Variants in SIK3 observed in about 807,000 individuals in gnomAD.
The protein encoded by SIK3 is serine/threonine-protein kinase SIK3.
In SIK3, 28 loss-of-function variants were observed where a neutral mutation model predicts 144.2. The observed-to-expected ratio is 0.19, with a 90% CI of 0.14 to 0.27. The LOEUF (loss-of-function observed/expected upper bound fraction) is 0.27. SIK3 is among the 10% of genes least tolerant of loss of function. The pLI, the probability that SIK3 is intolerant of heterozygous loss-of-function variation, is 1.00. For missense variants in SIK3, 1,319 were observed against 1,776.0 expected (o/e 0.74, Z 4.62); for synonymous variants, 686 against 676.3 (o/e 1.01, Z -0.22).
intron 3 of SIK3, among the ~76,000 whole-genome samples, chr11:116,940,721 A>G (rs1404407514): frequency 6.6e-6 from 1 of 150,470 alleles, no homozygotes; most frequent in East Asian, 2.0e-4. Context: ...CTGGTCACAG[A>G]CCCACCCCCG....
intron 3 of SIK3, among the ~76,000 whole-genome samples, chr11:116,951,034 G>A (rs1233389255): frequency 6.6e-6 from 1 of 152,142 alleles, no homozygotes; most frequent in Non-Finnish European, 1.5e-5. Context: ...CTCACATGAA[G>A]GCGTAAGGAA....
At chr11:116,939,662 A>T (rs74324604) in intron 3 of SIK3, among the ~76,000 whole-genome samples, 7,411 of 152,232 alleles carry the variant, frequency 0.049, 601 homozygotes, top group African/African-American at 0.17. Flanking sequence ...CTTCCCCTCC[A>T]AAAACTGAAC....
At chr11:116,937,332 A>G (rs992598545) in intron 3 of SIK3, among the ~76,000 whole-genome samples, 1 of 152,270 alleles carries the variant, frequency 6.6e-6, no homozygotes, top group African/African-American at 2.4e-5. Context: ...AGCCAGACAT[A>G]TGAATGCACC....
chr11:117,020,956 G>A (rs1951740145), intron 1 of SIK3, among the ~76,000 whole-genome samples: 1 of 152,208 alleles, frequency 6.6e-6, no homozygotes, highest in Admixed American at 6.5e-5. Flanking sequence ...GACTGGCACT[G>A]AAGACTGGGG....
intron 3 of SIK3, among the ~76,000 whole-genome samples, chr11:116,939,714 C>G (rs1255803922): frequency 6.6e-6 from 1 of 152,166 alleles, no homozygotes; most frequent in South Asian, 2.1e-4. Flanking sequence ...CCAAGAAACA[C>G]TGAACTACAG....
intron 1 of SIK3, among the ~76,000 whole-genome samples, chr11:117,023,741 A>G (rs547430472): frequency 6.6e-6 from 1 of 151,054 alleles, no homozygotes; most frequent in South Asian, 2.1e-4. Context: ...CAGTGGCGCA[A>G]TCTCACCTCA....
intron 1 of SIK3, among the ~76,000 whole-genome samples, chr11:117,019,655 C>T (rs541943463): frequency 6.6e-6 from 1 of 151,816 alleles, no homozygotes; most frequent in East Asian, 1.9e-4. Context: ...TCGCTGTTTC[C>T]CAGGCTGGGA....
chr11:116,954,027 G>A lies in SIK3; in HGVS notation c.454+17C>T. 1 of 1,607,396 alleles carries A rather than the reference G, an allele frequency of 6.2e-7. No homozygotes were observed. Among genetic ancestry groups the A allele is most frequent in the Non-Finnish European group, 8.5e-7 (1 of 1,174,506 alleles). ...TGTGCTCAATAGCTGTTTAAAGAAT[G>A]CAATAAATGTACTTACCAAATATTT... On this transcript the variant is annotated intron_variant, in intron 3 of 24. Coordinates refer to ENST00000445177, the MANE Select transcript of SIK3 (RefSeq NM_001366686.3).
intron 1 of SIK3, among the ~76,000 whole-genome samples, chr11:117,020,927 A>G (rs1004286388): frequency 6.6e-6 from 1 of 152,244 alleles, no homozygotes; most frequent in African/African-American, 2.4e-5. Flanking sequence ...AAGCACAGGT[A>G]AAACCACCTG....
At chr11:116,881,103 G>A (rs561483503) in intron 6 of SIK3, among the ~76,000 whole-genome samples, 3 of 152,152 alleles carry the variant, frequency 2.0e-5, no homozygotes, top group Non-Finnish European at 4.4e-5. Flanking sequence ...CAGCCTGGGC[G>A]ACAGAGCGAG....
chr11:116,903,090 C>T (rs1945824145), intron 4 of SIK3, among the ~76,000 whole-genome samples: 1 of 152,158 alleles, frequency 6.6e-6, no homozygotes, highest in African/African-American at 2.4e-5. Context: ...ATTTTCTGAA[C>T]ATTTAAATTA....
At chr11:116,966,829 G>A (rs993243025) in intron 1 of SIK3, among the ~76,000 whole-genome samples, 5 of 151,424 alleles carry the variant, frequency 3.3e-5, no homozygotes, top group African/African-American at 1.2e-4. Context: ...GTGAAACCCC[G>A]TCTCTACTAA....
In SIK3 at chr11:116,843,415, T is replaced by C. The variant is rs562796334; in HGVS notation, c.*2228A>G. 1.3e-5 allele frequency: 2 copies of C among 151,986 alleles called. No individual in the cohort carries two copies. Among genetic ancestry groups the C allele is most frequent in the East Asian group, 3.9e-4 (2 of 5,184 alleles). The allele number at this position is 151,986 out of a possible 1,614,324, so 9.4% of individuals were successfully genotyped here. ...GGACAAAAGGTCTTAGCAACTTGAG[T>C]CTGGAGATTTTTTTTTTAATCCTTT... On this transcript the variant is annotated 3_prime_UTR_variant, in exon 25 of 25. Coordinates refer to ENST00000445177, the MANE Select transcript of SIK3 (RefSeq NM_001366686.3).
chr11:116,966,637 G>A, intron 1 of SIK3, among the ~76,000 whole-genome samples: 1 of 151,926 alleles, frequency 6.6e-6, no homozygotes, highest in East Asian at 1.9e-4. Context: ...TTGAATTAGG[G>A]GTGTTCAACC....
At chr11:117,047,760 T>C (rs551005243) in intron 1 of SIK3, among the ~76,000 whole-genome samples, 7 of 152,172 alleles carry the variant, frequency 4.6e-5, no homozygotes, top group Admixed American at 1.3e-4. Flanking sequence ...CTGGGCAACA[T>C]AGTGAGACCT....
intron 4 of SIK3, among the ~76,000 whole-genome samples, chr11:116,915,846 T>C (rs1167560666): frequency 2.0e-5 from 3 of 152,206 alleles, no homozygotes; most frequent in Admixed American, 1.3e-4. Flanking sequence ...TGATCCATAA[T>C]AGATGTAAAC....
At chr11:116,936,015 C>T (rs1176636632) in intron 3 of SIK3, among the ~76,000 whole-genome samples, 1 of 152,176 alleles carries the variant, frequency 6.6e-6, no homozygotes, top group Admixed American at 6.5e-5. Flanking sequence ...TGGCTCACAC[C>T]TGTGATCCCA....
At chr11:116,917,690 C>T (rs1946721778) in intron 4 of SIK3, among the ~76,000 whole-genome samples, 1 of 148,780 alleles carries the variant, frequency 6.7e-6, no homozygotes, top group Admixed American at 6.8e-5. Flanking sequence ...GTCTGAGCGA[C>T]AGGAAGGGAG....
chr11:116,938,066 A>G (rs969698509), intron 3 of SIK3, among the ~76,000 whole-genome samples: 14 of 151,668 alleles, frequency 9.2e-5, no homozygotes, highest in Admixed American at 2.0e-4. Context: ...TTAGCTGGGC[A>G]TGGTGGCGTG....
Sources: allele counts gnomAD v4.1 joint callset (sites outside exome capture counted in the v4.1 genomes callset), GRCh38; gene constraint gnomAD v4.1.1; transcripts MANE v1.5; gene names NCBI Gene and HGNC (gene_info 2026-07-23, HGNC 2026-07-21).